Variants in C1orf21 observed in about 807,000 individuals in gnomAD.
C1orf21 encodes uncharacterized protein C1orf21.
C1orf21 carries 3 observed loss-of-function variants against 18.7 expected under a neutral mutation model. That is an observed-to-expected ratio of 0.16 (90% CI 0.07 to 0.42). The LOEUF (loss-of-function observed/expected upper bound fraction) is 0.42, where lower values mean the gene tolerates loss of function less well. Among genes scored for constraint, C1orf21 ranks in the 10% least tolerant of loss-of-function variants. C1orf21 has a pLI of 0.99. For missense variants in C1orf21, 104 were observed against 143.6 expected, an observed-to-expected ratio of 0.72 and a Z score of 1.41; for synonymous variants, 41 against 46.4, an observed-to-expected ratio of 0.88 and a Z score of 0.47.
intron 3 of C1orf21, among the ~76,000 whole-genome samples, chr1:184,589,297 A>T (rs377175561): frequency 1.3e-5 from 2 of 152,240 alleles, no homozygotes; most frequent in African/African-American, 4.8e-5. Flanking sequence ...TCCTACAAAG[A>T]GACTACATTT....
At chr1:184,581,169 G>A (rs1659269613) in intron 3 of C1orf21, among the ~76,000 whole-genome samples, 1 of 152,192 alleles carries the variant, frequency 6.6e-6, no homozygotes, top group Admixed American at 6.5e-5. Flanking sequence ...GCTCACGCCT[G>A]TAATCCCAGC....
intron 5 of C1orf21, among the ~76,000 whole-genome samples, chr1:184,603,371 G>A (rs1305098382): frequency 6.6e-6 from 1 of 152,256 alleles, no homozygotes; most frequent in East Asian, 1.9e-4. Flanking sequence ...CCATGAGCAT[G>A]CCTAGTGCAT....
intron 3 of C1orf21, among the ~76,000 whole-genome samples, chr1:184,529,132 G>A (rs1453918919): frequency 6.6e-6 from 1 of 151,964 alleles, no homozygotes; most frequent in Non-Finnish European, 1.5e-5. Context: ...ATACCTCAAG[G>A]CCATTTTATT....
chr1:184,469,410 G>A (rs1218393504), intron 1 of C1orf21, among the ~76,000 whole-genome samples: 2 of 152,150 alleles, frequency 1.3e-5, no homozygotes, highest in Non-Finnish European at 2.9e-5. Flanking sequence ...GTAAACTAAG[G>A]GATTGAACTG....
intron 3 of C1orf21, among the ~76,000 whole-genome samples, chr1:184,537,880 C>T (rs1243795813): frequency 6.6e-6 from 1 of 152,106 alleles, no homozygotes; most frequent in Non-Finnish European, 1.5e-5. Flanking sequence ...AACTCCTGAC[C>T]TCAGGTGATC....
At chr1:184,538,107 T>G (rs1048465121) in intron 3 of C1orf21, among the ~76,000 whole-genome samples, 26 of 128,464 alleles carry the variant, frequency 2.0e-4, no homozygotes, top group African/African-American at 8.4e-4. Flanking sequence ...CTAGTTACTC[T>G]GCATCCTCAC....
chr1:184,570,097 G>A (rs1343989911), intron 3 of C1orf21, among the ~76,000 whole-genome samples: 1 of 152,100 alleles, frequency 6.6e-6, no homozygotes, highest in Non-Finnish European at 1.5e-5. Context: ...CAAGGAATTA[G>A]GTAGAGGTGG....
intron 1 of C1orf21, among the ~76,000 whole-genome samples, chr1:184,437,483 C>T (rs1020338705): frequency 1.3e-5 from 2 of 151,988 alleles, no homozygotes; most frequent in Non-Finnish European, 2.9e-5. Context: ...CTTTGCCTGG[C>T]GTCACACCCT....
At chr1:184,503,776 T>C (rs767613142) in intron 2 of C1orf21, among the ~76,000 whole-genome samples, 2 of 152,216 alleles carry the variant, frequency 1.3e-5, no homozygotes, top group Admixed American at 6.5e-5. Context: ...GCTTTGCAGA[T>C]AGAAGATCTG....
At chr1:184,611,931 C>T (rs755339658) in intron 5 of C1orf21, among the ~76,000 whole-genome samples, 1 of 152,038 alleles carries the variant, frequency 6.6e-6, no homozygotes, top group Non-Finnish European at 1.5e-5. Context: ...GTGATGGGTG[C>T]ACTAAAATCT....
intron 2 of C1orf21, 103 bp downstream of exon 2, chr1:184,477,706 T>C: frequency 1.2e-6 from 1 of 854,812 alleles, no homozygotes; most frequent in Non-Finnish European, 1.8e-6. Context: ...GCTTGTGATA[T>C]TTTGTTACAT....
chr1:184,396,577 A>G (rs1293259609), intron 1 of C1orf21, among the ~76,000 whole-genome samples: 1 of 152,216 alleles, frequency 6.6e-6, no homozygotes, highest in Non-Finnish European at 1.5e-5. Context: ...CTCTCTTAGA[A>G]GGAGATATCT....
intron 1 of C1orf21, among the ~76,000 whole-genome samples, chr1:184,410,040 A>G (rs12079094): frequency 0.15 from 22,916 of 152,192 alleles, 1,772 homozygotes; most frequent in African/African-American, 0.17. Flanking sequence ...GAATTGAAAT[A>G]AAGTGTCTGA....
intron 5 of C1orf21, among the ~76,000 whole-genome samples, chr1:184,616,708 GTA>G (rs56380727): frequency 0.18 from 26,282 of 148,556 alleles, 2,513 homozygotes; most frequent in East Asian, 0.34. Flanking sequence ...GCACACGTGT[GTA>G]TGTGTGTTGT....
chr1:184,553,326 T>A (rs769170976), intron 3 of C1orf21, among the ~76,000 whole-genome samples: 4 of 152,222 alleles, frequency 2.6e-5, no homozygotes, highest in Non-Finnish European at 5.9e-5. Flanking sequence ...TTTCATAGGT[T>A]GTCTTTAAAT....
chr1:184,448,376 A>G (rs1043035401), intron 1 of C1orf21, among the ~76,000 whole-genome samples: 5 of 152,250 alleles, frequency 3.3e-5, no homozygotes, highest in African/African-American at 1.2e-4. Context: ...GGGCCACCGC[A>G]TCTGGCTTAT....
intron 1 of C1orf21, among the ~76,000 whole-genome samples, chr1:184,388,001 G>C (rs1024895065): frequency 6.6e-6 from 1 of 152,104 alleles, no homozygotes; most frequent in Non-Finnish European, 1.5e-5. Context: ...AGGGTGCTTG[G>C]TTATTGTACA....
chr1:184,397,315 A>G (rs1418266814), intron 1 of C1orf21, among the ~76,000 whole-genome samples: 3 of 152,230 alleles, frequency 2.0e-5, no homozygotes, highest in African/African-American at 7.2e-5. Context: ...GGCTAGGCAC[A>G]GTGGCTCACG....
At chr1:184,601,766 T>C (rs923506460) in intron 5 of C1orf21, among the ~76,000 whole-genome samples, 1 of 152,044 alleles carries the variant, frequency 6.6e-6, no homozygotes, top group Non-Finnish European at 1.5e-5. Flanking sequence ...CCGGGCGTGG[T>C]GGCACACGCC....
Sources: allele counts gnomAD v4.1 joint callset (sites outside exome capture counted in the v4.1 genomes callset), GRCh38; gene constraint gnomAD v4.1.1; transcripts MANE v1.5; gene names NCBI Gene and HGNC (gene_info 2026-07-23, HGNC 2026-07-21).